Variants in HS3ST2 observed in about 807,000 individuals in gnomAD.
The protein encoded by HS3ST2 is heparan sulfate glucosamine 3-O-sulfotransferase 2.
In HS3ST2, 17 loss-of-function variants were observed where a neutral mutation model predicts 26.3. That is an observed-to-expected ratio of 0.65 (90% CI 0.44 to 0.97). The LOEUF (loss-of-function observed/expected upper bound fraction) is 0.97, where lower values mean the gene tolerates loss of function less well. Among genes scored for constraint, HS3ST2 ranks in the 50% least tolerant of loss-of-function variants. The pLI, the probability that HS3ST2 is intolerant of heterozygous loss-of-function variation, is 0.00. For missense variants in HS3ST2, 402 were observed against 501.2 expected, an observed-to-expected ratio of 0.80 and a Z score of 1.89; for synonymous variants, 237 against 219.2, an observed-to-expected ratio of 1.08 and a Z score of -0.72.
intron 1 of HS3ST2, among the ~76,000 whole-genome samples, chr16:22,845,877 GC>G (rs1901424340): frequency 6.6e-6 from 1 of 152,158 alleles, no homozygotes; most frequent in African/African-American, 2.4e-5. Context: ...ATGACAAAAG[GC>G]CCTTATTGTC....
At position 22,826,709 on chromosome 16, in the gene HS3ST2, T is replaced by C. The variant is rs571853135; in HGVS notation, c.485+11614T>C. 5.9e-5 allele frequency among the ~76,000 whole-genome samples: 9 copies of C among 152,322 alleles called. No homozygotes were observed. In the East Asian group the frequency reaches 1.7e-3, roughly 29 times the overall value. Reference sequence around the variant, plus strand: ...AGGGATGATTAGGAATTGATGAGTCTGTTCGGGGCTACAAACTTGTCCACC... The same window carrying C: ...AGGGATGATTAGGAATTGATGAGTCCGTTCGGGGCTACAAACTTGTCCACC... On this transcript the variant is annotated intron_variant, in intron 1 of 1. Coordinates refer to ENST00000261374, the MANE Select transcript of HS3ST2 (RefSeq NM_006043.2).
chr16:22,816,394 G>T (rs981685976), intron 1 of HS3ST2, among the ~76,000 whole-genome samples: 1 of 152,158 alleles, frequency 6.6e-6, no homozygotes, highest in African/African-American at 2.4e-5. Flanking sequence ...TATAATAGAG[G>T]GCCCTGGATT....
chr16:22,872,733 C>A (rs1901855066), intron 1 of HS3ST2, among the ~76,000 whole-genome samples: 1 of 152,130 alleles, frequency 6.6e-6, no homozygotes, highest in Non-Finnish European at 1.5e-5. Flanking sequence ...AGAGAGCAGT[C>A]CTGGACCTGA....
At chr16:22,911,526 A>T (rs1400347087) in intron 1 of HS3ST2, among the ~76,000 whole-genome samples, 1 of 152,236 alleles carries the variant, frequency 6.6e-6, no homozygotes, top group African/African-American at 2.4e-5. Flanking sequence ...GAAGTCTGAG[A>T]CCAAATTGTT....
At chr16:22,896,667 T>C (rs1454909473) in intron 1 of HS3ST2, among the ~76,000 whole-genome samples, 2 of 152,244 alleles carry the variant, frequency 1.3e-5, no homozygotes, top group African/African-American at 4.8e-5. Flanking sequence ...GTCAGCGTAG[T>C]TGTGTTTCTT....
chr16:22,881,427 C>T (rs557352567), intron 1 of HS3ST2, among the ~76,000 whole-genome samples: 7 of 152,296 alleles, frequency 4.6e-5, no homozygotes, highest in South Asian at 2.1e-4. Flanking sequence ...GCTTCTTGCT[C>T]GGTCTCTACC....
intron 1 of HS3ST2, among the ~76,000 whole-genome samples, chr16:22,827,703 T>C (rs1901109124): frequency 7.5e-6 from 1 of 133,204 alleles, no homozygotes; most frequent in African/African-American, 3.1e-5. Flanking sequence ...TATTTCTTTC[T>C]TTCTTTCTTT....
intron 1 of HS3ST2, among the ~76,000 whole-genome samples, chr16:22,857,350 G>A (rs1003491718): frequency 1.3e-5 from 2 of 152,144 alleles, no homozygotes; most frequent in African/African-American, 4.8e-5. Flanking sequence ...GAGGCCTTTT[G>A]ATTATTTTCT....
intron 1 of HS3ST2, among the ~76,000 whole-genome samples, chr16:22,873,693 C>G (rs1366545784): frequency 6.6e-6 from 1 of 152,172 alleles, no homozygotes; most frequent in Non-Finnish European, 1.5e-5. Context: ...CAAACCACCC[C>G]AAAACTTAGT....
At chr16:22,855,696 GTCTCTCTC>G (rs3078722) in intron 1 of HS3ST2, among the ~76,000 whole-genome samples, 174 of 143,050 alleles carry the variant, frequency 1.2e-3, no homozygotes, top group African/African-American at 2.6e-3. Context: ...CTGTCTCTCT[GTCTCTCTC>G]TCTCTCTCTC....
At chr16:22,858,076 C>T (rs1471385186) in intron 1 of HS3ST2, among the ~76,000 whole-genome samples, 2 of 139,736 alleles carry the variant, frequency 1.4e-5, no homozygotes, top group South Asian at 2.4e-4. Flanking sequence ...CTTTTGCCCT[C>T]TTTAAGAGCT....
Position 22,911,681 on chromosome 16 carries a change from G to A in HS3ST2, c.486-3263G>A, listed in dbSNP as rs112435336. Among the ~76,000 whole-genome samples the A allele has an allele frequency of 2.1e-3, 326 of 152,230 alleles. 2 individuals are homozygous for A. The highest frequency in any genetic ancestry group is 0.01 in the Middle Eastern group (3 of 294). On this transcript the variant is annotated intron_variant, in intron 1 of 1. Transcript: ENST00000261374. The stretch of plus-strand genomic sequence containing the variant: ...ACTCTGCCTTCATCTTCAGGTCACC[G>A]TATTTCCTGTGTGACTCTTCTTCCC...
intron 1 of HS3ST2, among the ~76,000 whole-genome samples, chr16:22,868,405 CAAAAAAA>C (rs77630354): frequency 1.1e-4 from 5 of 43,510 alleles, no homozygotes; most frequent in South Asian, 9.9e-4. Flanking sequence ...AAGACTCCAT[CAAAAAAA>C]AAAAAAAAAA....
chr16:22,871,278 C>A (rs983116682), intron 1 of HS3ST2, among the ~76,000 whole-genome samples: 1 of 151,744 alleles, frequency 6.6e-6, no homozygotes, highest in Non-Finnish European at 1.5e-5. Flanking sequence ...ATTGCTTGAA[C>A]CCGGGAGGTG....
intron 1 of HS3ST2, among the ~76,000 whole-genome samples, chr16:22,850,834 C>CA (rs962687036): frequency 4.3e-4 from 66 of 151,804 alleles, no homozygotes; most frequent in East Asian, 1.2e-3. Context: ...ACAACAACAA[C>CA]AAAAAAAACA....
At chr16:22,886,692 C>T (rs1902064047) in intron 1 of HS3ST2, among the ~76,000 whole-genome samples, 1 of 152,074 alleles carries the variant, frequency 6.6e-6, no homozygotes, top group Non-Finnish European at 1.5e-5. Context: ...AAAAGGGAGA[C>T]ATTTACTCTG....
At chr16:22,815,263 G>C (rs552757732) in intron 1 of HS3ST2, among the ~76,000 whole-genome samples, 168 bp downstream of exon 1, 1 of 152,376 alleles carries the variant, frequency 6.6e-6, no homozygotes, top group Admixed American at 6.5e-5. Flanking sequence ...GAACTTCCCA[G>C]TGATAATCTA....
intron 1 of HS3ST2, among the ~76,000 whole-genome samples, chr16:22,895,313 C>T (rs1474610971): frequency 6.6e-6 from 1 of 152,184 alleles, no homozygotes; most frequent in Non-Finnish European, 1.5e-5. Flanking sequence ...TGGTCTTGAA[C>T]TCCTGACCTC....
At chr16:22,887,308 A>G (rs1218243993) in intron 1 of HS3ST2, among the ~76,000 whole-genome samples, 1 of 152,182 alleles carries the variant, frequency 6.6e-6, no homozygotes, top group Non-Finnish European at 1.5e-5. Flanking sequence ...GGAGGCTGGG[A>G]AGTTCAAGAT....
Sources: gnomAD v4.1 joint callset for allele counts (sites outside exome capture counted in the v4.1 genomes callset) on GRCh38, gnomAD v4.1.1 for gene constraint, MANE v1.5 for transcripts, NCBI Gene and HGNC (gene_info 2026-07-23, HGNC 2026-07-21) for gene names.